ACER3: variants seen among roughly 807,000 people sequenced by gnomAD.
The protein encoded by ACER3 is alkaline ceramidase 3, also known as alkCDase 3.
ACER3 carries 16 observed loss-of-function variants against 48.9 expected under a neutral mutation model. The observed-to-expected ratio is 0.33, with a 90% CI of 0.22 to 0.50. ACER3 has a LOEUF of 0.50. ACER3 is among the 20% of genes least tolerant of loss of function. The probability of loss-of-function intolerance (pLI) is 0.98; values close to 1 mark genes in which losing one functional copy is unlikely to be tolerated. For synonymous variants in ACER3, 109 were observed against 107.8 expected (o/e 1.01, Z -0.07); for missense variants, 227 against 326.0 (o/e 0.70, Z 2.34).
At chr11:77,001,849 A>C (rs1949037611) in intron 7 of ACER3, among the ~76,000 whole-genome samples, 2 of 152,176 alleles carry the variant, frequency 1.3e-5, no homozygotes, top group African/African-American at 4.8e-5. Context: ...CATATAATAA[A>C]ATATCATTAG....
chr11:76,975,143 T>C (rs904725056), intron 3 of ACER3, among the ~76,000 whole-genome samples: 4 of 152,212 alleles, frequency 2.6e-5, no homozygotes, highest in African/African-American at 9.6e-5. Context: ...GCCATCACTT[T>C]CTTTGGCTTT....
chr11:76,986,735 A>G (rs1261018984), intron 5 of ACER3, among the ~76,000 whole-genome samples: 3 of 152,188 alleles, frequency 2.0e-5, no homozygotes, highest in East Asian at 3.8e-4. Context: ...ATACCCCTCT[A>G]TGCCTTGTTT....
chr11:76,986,087 A>T (rs10899341), intron 5 of ACER3, among the ~76,000 whole-genome samples: 108,150 of 152,134 alleles, frequency 0.71, 38,837 homozygotes, highest in Non-Finnish European at 0.77. Flanking sequence ...GTAATGGTTA[A>T]CTTTTCTCTA....
chr11:76,940,764 A>G (rs1435278567), intron 2 of ACER3, among the ~76,000 whole-genome samples: 2 of 152,176 alleles, frequency 1.3e-5, no homozygotes, highest in Non-Finnish European at 2.9e-5. Context: ...GTTTTTAAGT[A>G]TCCGTCCCTT....
intron 1 of ACER3, among the ~76,000 whole-genome samples, chr11:76,918,123 A>G (rs626522): frequency 6.6e-6 from 1 of 152,116 alleles, no homozygotes; most frequent in Non-Finnish European, 1.5e-5. Flanking sequence ...GATAGGTACC[A>G]AAGTTATTCA....
chr11:76,861,898 GCT>G (rs1944949971), intron 1 of ACER3, among the ~76,000 whole-genome samples: 1 of 152,214 alleles, frequency 6.6e-6, no homozygotes, highest in African/African-American at 2.4e-5. Context: ...TTTAGCGGCT[GCT>G]CTGTCAGGCA....
In ACER3 at chr11:76,865,285, G is replaced by T. The variant is rs538151160; in HGVS notation, c.103+4206G>T. Reference sequence around the variant, plus strand: ...TAGGCATGAGCCACCATGCCCAGCCGGGATGAGTACTATCCCTTCATGAAT... The same window carrying T: ...TAGGCATGAGCCACCATGCCCAGCCTGGATGAGTACTATCCCTTCATGAAT... On this transcript the variant is annotated intron_variant, in intron 1 of 10. Coordinates refer to ENST00000532485, the MANE Select transcript of ACER3 (RefSeq NM_018367.7). Among the ~76,000 whole-genome samples the T allele has an allele frequency of 1.1e-3, 170 of 150,792 alleles. 1 individual carries two copies. The highest frequency in any genetic ancestry group is 2.4e-4 in the Non-Finnish European group (16 of 67,624).
intron 1 of ACER3, among the ~76,000 whole-genome samples, chr11:76,880,512 C>T (rs147074444): frequency 2.4e-4 from 36 of 152,340 alleles, no homozygotes; most frequent in Non-Finnish European, 5.1e-4. Context: ...GACCGTCCTC[C>T]ACTTCCCATG....
intron 3 of ACER3, among the ~76,000 whole-genome samples, chr11:76,975,571 A>G (rs1948419592): frequency 6.6e-6 from 1 of 152,172 alleles, no homozygotes; most frequent in Non-Finnish European, 1.5e-5. Context: ...TGATATAGGA[A>G]GGATGGAAAT....
At chr11:76,988,434 T>C (rs1948729740) in intron 5 of ACER3, among the ~76,000 whole-genome samples, 1 of 152,164 alleles carries the variant, frequency 6.6e-6, no homozygotes, top group Non-Finnish European at 1.5e-5. Context: ...CTCTGGAAAC[T>C]TAACAAATCA....
intron 7 of ACER3, among the ~76,000 whole-genome samples, chr11:77,001,978 C>A (rs1949041531): frequency 6.6e-6 from 1 of 152,064 alleles, no homozygotes; most frequent in Admixed American, 6.6e-5. Context: ...TGCAATTGGC[C>A]ACACAGAGAA....
intron 4 of ACER3, among the ~76,000 whole-genome samples, chr11:76,981,795 A>G (rs532183048): frequency 6.6e-6 from 1 of 152,350 alleles, no homozygotes; most frequent in South Asian, 2.1e-4. Flanking sequence ...TTGAACATTA[A>G]GGTTATTGCC....
intron 3 of ACER3, among the ~76,000 whole-genome samples, chr11:76,969,002 A>G (rs1375275458): frequency 2.6e-5 from 4 of 152,162 alleles, no homozygotes; most frequent in Non-Finnish European, 5.9e-5. Flanking sequence ...CAGAGTGAAC[A>G]GGCAACCTAC....
intron 1 of ACER3, among the ~76,000 whole-genome samples, chr11:76,899,257 C>A (rs1946020332): frequency 6.6e-6 from 1 of 152,134 alleles, no homozygotes; most frequent in Non-Finnish European, 1.5e-5. Flanking sequence ...AATGAAAAAT[C>A]TGTTTGGGGA....
At chr11:76,932,266 A>G (rs1441273425) in intron 2 of ACER3, among the ~76,000 whole-genome samples, 1 of 151,574 alleles carries the variant, frequency 6.6e-6, no homozygotes, top group East Asian at 1.9e-4. Context: ...ATTTTTTATA[A>G]CTCTCTAAAG....
intron 1 of ACER3, among the ~76,000 whole-genome samples, chr11:76,864,437 A>G (rs1051435586): frequency 1.2e-4 from 18 of 152,206 alleles, no homozygotes; most frequent in Non-Finnish European, 2.2e-4. Context: ...TTGGTTATGA[A>G]TATGTAGGGA....
intron 9 of ACER3, among the ~76,000 whole-genome samples, chr11:77,017,456 A>T (rs1331263878): frequency 2.0e-5 from 3 of 152,242 alleles, no homozygotes; most frequent in East Asian, 1.9e-4. Flanking sequence ...CAAAACATTC[A>T]TAAAAGAAAT....
At chr11:76,995,082 A>C (rs1479052439) in intron 6 of ACER3, among the ~76,000 whole-genome samples, 1 of 152,240 alleles carries the variant, frequency 6.6e-6, no homozygotes, top group East Asian at 1.9e-4. Context: ...GAAACAATAC[A>C]CTATAGATAT....
rs10565723 is a variant in ACER3 at position 77,022,868 on chromosome 11, C to CAAAA, written c.*2562_*2565dup. On this transcript the variant is annotated 3_prime_UTR_variant, in exon 11 of 11. Transcript: ENST00000532485. ...ATGGTGGCAGAGCGAGACTCCGTCT[C>CAAAA]AAAAAAAAAAAAAAAAAAAAAAAAG... The CAAAA allele has an allele frequency of 8.2e-5, 23 of 281,736 alleles. No individual in the cohort carries two copies. Among genetic ancestry groups the CAAAA allele is most frequent in the Admixed American group, 1.8e-4 (3 of 16,296 alleles). The allele number at this position is 281,736 out of a possible 1,614,324, so 17.5% of individuals were successfully genotyped here. A position where few individuals can be genotyped will look rare whatever the true frequency, so the allele number is the denominator to read the frequency against.
Sources: gnomAD v4.1 joint callset for allele counts (sites outside exome capture counted in the v4.1 genomes callset) on GRCh38, gnomAD v4.1.1 for gene constraint, MANE v1.5 for transcripts, NCBI Gene and HGNC (gene_info 2026-07-23, HGNC 2026-07-21) for gene names.